Variants in FGFR1 observed in about 807,000 individuals in gnomAD.
FGFR1 encodes the protein FGFR1/PLAG1 fusion.
In FGFR1, 18 loss-of-function variants were observed where a neutral mutation model predicts 93.7. The ratio of observed to expected loss-of-function variants is 0.19; its 90% CI spans 0.13 to 0.28. The LOEUF is 0.28. Ranked by LOEUF, FGFR1 falls within the 10% of genes least tolerant of loss-of-function variation. The pLI is 1.00. For synonymous variants in FGFR1, 448 were observed against 429.3 expected, an observed-to-expected ratio of 1.04 and a Z score of -0.54; for missense variants, 731 against 1,080.4, an observed-to-expected ratio of 0.68 and a Z score of 4.53.
chr8:38,441,888 G>C (rs1474670745), intron 2 of FGFR1, among the ~76,000 whole-genome samples: 2 of 152,148 alleles, frequency 1.3e-5, no homozygotes, highest in African/African-American at 4.8e-5. Flanking sequence ...CCCCAATGAA[G>C]ACTGAAAAAT....
intron 2 of FGFR1, among the ~76,000 whole-genome samples, chr8:38,456,166 C>T (rs1187771279): frequency 6.6e-6 from 1 of 152,174 alleles, no homozygotes; most frequent in African/African-American, 2.4e-5. Flanking sequence ...ACACAGCCAC[C>T]CCATCACGCG....
In FGFR1 at chr8:38,419,684, A is replaced by G. The variant is rs1818007373; in HGVS notation, c.1133T>C (p.Ile378Thr). Residue 378 changes from isoleucine to threonine, a missense_variant, in exon 9 of 18, where the codon ATC (isoleucine) becomes ACC (threonine). By Grantham distance (89) the Ile-to-Thr change is moderately conservative. Coordinates refer to ENST00000447712, the MANE Select transcript of FGFR1 (RefSeq NM_023110.3). ...VMTSPLYLEI[I>T]IYCTGAFLIS... ...GAGGAAGGCCCCTGTGCAATAGATG[A>G]TGATCTCCAGGTACAGGGGCGAGGT... 6.2e-7 allele frequency: 1 copy of G among 1,614,134 alleles called. No homozygotes were observed. Among genetic ancestry groups the G allele is most frequent in the Non-Finnish European group, 8.5e-7 (1 of 1,180,020 alleles).
rs569002066 is a variant in FGFR1 at position 38,465,380 on chromosome 8, A to T, written c.-89+2601T>A. 3.0e-5 allele frequency: 7 copies of T among 232,536 alleles called. No homozygotes were observed. In the East Asian group the frequency reaches 4.2e-4, roughly 14 times the overall value. The allele number at this position is 232,536 out of a possible 1,614,324, so 14.4% of individuals were successfully genotyped here. On this transcript the variant is annotated intron_variant, in intron 1 of 17. Transcript: ENST00000447712. ...GAAGTACGCAGTCCAAGTGGCTCTC[A>T]ATCTGGATGAACCTCATTAAAAAGC...
At chr8:38,450,002 T>C (rs866047192) in intron 2 of FGFR1, among the ~76,000 whole-genome samples, 5 of 152,174 alleles carry the variant, frequency 3.3e-5, no homozygotes, top group Non-Finnish European at 7.3e-5. Context: ...GTTAGGGCAA[T>C]TGGCCCTGCT....
chr8:38,422,061 T>C, intron 7 of FGFR1, 120 bp from the exon 8 acceptor site: 1 of 1,209,788 alleles, frequency 8.3e-7, no homozygotes, highest in Non-Finnish European at 1.2e-6. Context: ...CCCTGACATC[T>C]TCTTTGCAAC....
chr8:38,425,959 G>GT, intron 6 of FGFR1, 163 bp downstream of exon 6: 1 of 864,650 alleles, frequency 1.2e-6, no homozygotes, highest in East Asian at 2.4e-5. Context: ...GATAAGAAAA[G>GT]TGAGGCTCAA....
chr8:38,467,073 A>C (rs1473116852), intron 1 of FGFR1, among the ~76,000 whole-genome samples: 1 of 152,052 alleles, frequency 6.6e-6, no homozygotes, highest in Non-Finnish European at 1.5e-5. Flanking sequence ...GGTCTGGGCC[A>C]GAGAAGCATA....
chr8:38,439,936 C>G lies in FGFR1; in HGVS notation c.92-9988G>C, dbSNP rs1826817713. Among the ~76,000 whole-genome samples the G allele has an allele frequency of 3.9e-5, 6 of 152,196 alleles. No individual in the cohort carries two copies. In the South Asian group the frequency reaches 1.2e-3, roughly 32 times the overall value. The stretch of plus-strand genomic sequence containing the variant: ...TGTATTACCTACTCTACGTTCTACA[C>G]TCCAAAGGGCTTAGGGCTTGGATAA... On this transcript the variant is annotated intron_variant, in intron 2 of 17. Coordinates refer to ENST00000447712, the MANE Select transcript of FGFR1 (RefSeq NM_023110.3).
At chr8:38,463,485 CA>C (rs1834864727) in intron 1 of FGFR1, 2 of 216,788 alleles carry the variant, frequency 9.2e-6, no homozygotes, top group Non-Finnish European at 1.9e-5. Context: ...CTTCTCTCCC[CA>C]CGAAACTGCA....
chr8:38,418,400 G>GTT, intron 9 of FGFR1, 27 bp from the exon 10 acceptor site: 1 of 1,609,526 alleles, frequency 6.2e-7, no homozygotes, highest in South Asian at 1.1e-5. Flanking sequence ...GGTCACCCTA[G>GTT]AGCAAGGAGG....
intron 1 of FGFR1, among the ~76,000 whole-genome samples, chr8:38,464,117 C>A (rs1408608595): frequency 2.6e-5 from 4 of 151,958 alleles, no homozygotes; most frequent in African/African-American, 7.3e-5. Flanking sequence ...GAGTTCAAGC[C>A]CAGCCTGGCC....
chr8:38,446,283 TCATTG>T (rs1829257668), intron 2 of FGFR1, among the ~76,000 whole-genome samples: 1 of 149,370 alleles, frequency 6.7e-6, no homozygotes, highest in Admixed American at 6.8e-5. Context: ...CAATCTCGGC[TCATTG>T]CAACCTCTGA....
chr8:38,443,513 G>GAAAA, intron 2 of FGFR1, among the ~76,000 whole-genome samples: 1 of 140,276 alleles, frequency 7.1e-6, no homozygotes, highest in African/African-American at 2.6e-5. Context: ...AAAAAAAAAA[G>GAAAA]AAAAACAAAA....
In FGFR1 at chr8:38,412,735, C is replaced by T. The variant is rs1012538003; in HGVS notation, c.*893G>A. 1.3e-5 allele frequency: 3 copies of T among 233,356 alleles called. No homozygotes were observed. The highest frequency in any genetic ancestry group is 2.5e-5 in the Non-Finnish European group (3 of 117,996). The allele number at this position is 233,356 out of a possible 1,614,324, so 14.5% of individuals were successfully genotyped here. The stretch of plus-strand genomic sequence containing the variant: ...TCATACAGCCCATAGATAAATGAAG[C>T]AGCAGCAATTTTTATTGAGGGACCT... On this transcript the variant is annotated 3_prime_UTR_variant, in exon 18 of 18. Transcript: ENST00000447712.
At chr8:38,461,491 T>C (rs1834402227) in intron 1 of FGFR1, among the ~76,000 whole-genome samples, 1 of 152,130 alleles carries the variant, frequency 6.6e-6, no homozygotes, top group Non-Finnish European at 1.5e-5. Flanking sequence ...GTATATTTAA[T>C]AAAAATGGGG....
chr8:38,423,042 G>C (rs1274938277), intron 7 of FGFR1: 2 of 779,728 alleles, frequency 2.6e-6, no homozygotes, highest in Non-Finnish European at 4.8e-6. Flanking sequence ...CACAGGTCTG[G>C]TGACAGTGAG....
chr8:38,446,960 G>C (rs758246633), intron 2 of FGFR1, among the ~76,000 whole-genome samples: 26 of 152,122 alleles, frequency 1.7e-4, no homozygotes, highest in Non-Finnish European at 3.8e-4. Flanking sequence ...TGGCAACAGT[G>C]GAAATGGCAG....
In FGFR1 at chr8:38,424,734, G is replaced by T. The variant is rs1820111054; in HGVS notation, c.746-35C>A. ...ATGGGAGAGGAGGCACTTGTCATGG[G>T]GACCTTGCCATGGCTAAAGAGGGGT... On this transcript the variant is annotated intron_variant, in intron 6 of 17. Coordinates refer to ENST00000447712, the MANE Select transcript of FGFR1 (RefSeq NM_023110.3). This position sits in a 1 kb window ranked among gnomAD's most constrained non-coding sequence, Gnocchi z 4.3. 6.3e-7 allele frequency: 1 copy of T among 1,599,346 alleles called. No individual in the cohort carries two copies. The highest frequency in any genetic ancestry group is 8.6e-7 in the Non-Finnish European group (1 of 1,169,542).
chr8:38,423,456 G>C, intron 7 of FGFR1: 1 of 370,368 alleles, frequency 2.7e-6, no homozygotes, highest in Non-Finnish European at 5.0e-6. Flanking sequence ...TGAGTAGCTG[G>C]GACTACAGGT....
Sources: gnomAD v4.1 joint callset for allele counts (sites outside exome capture counted in the v4.1 genomes callset) on GRCh38, gnomAD v4.1.1 for gene constraint, Gnocchi (gnomAD v3.1) non-coding constraint, MANE v1.5 for transcripts, NCBI Gene and HGNC (gene_info 2026-07-23, HGNC 2026-07-21) for gene names.